DLG1: variants seen among roughly 807,000 people sequenced by gnomAD.
DLG1 encodes disks large homolog 1.
Under a neutral mutation model 123.4 loss-of-function variants are expected in DLG1, and 42 were observed. The ratio of observed to expected loss-of-function variants is 0.34; its 90% CI spans 0.27 to 0.44. The LOEUF is 0.44. Ranked by LOEUF, DLG1 falls within the 20% of genes least tolerant of loss-of-function variation. The pLI is 1.00. For missense variants in DLG1, 942 were observed against 1,082.6 expected, an observed-to-expected ratio of 0.87 and a Z score of 1.82; for synonymous variants, 317 against 356.2, an observed-to-expected ratio of 0.89 and a Z score of 1.24.
chr3:197,115,762 TATA>T (rs1019360684), intron 13 of DLG1, among the ~76,000 whole-genome samples, 162 bp downstream of exon 13: 11 of 152,186 alleles, frequency 7.2e-5, no homozygotes, highest in African/African-American at 2.7e-4. Context: ...ACACCTATTA[TATA>T]ATATGTTCTC....
chr3:197,069,249 A>T lies in DLG1; in HGVS notation c.2017T>A (p.Ser673Thr), dbSNP rs770973751. The stretch of plus-strand genomic sequence containing the variant: ...CTACTTTCACTATCGCTGGCATTAG[A>T]AGTTACATGCTCTGAAATTGCAGGA... ...ETSDADQHVTSNASDSESSYR... is the reference protein window; with the variant it reads ...ETSDADQHVTTNASDSESSYR... The change falls in exon 19 of 25, where the codon TCT (serine) becomes ACT (threonine). Residue 673 changes from serine (S) to threonine (T), a missense_variant. Physicochemically the swap from Ser to Thr is moderately conservative, Grantham distance 58. Coordinates refer to ENST00000667157, the MANE Select transcript of DLG1 (RefSeq NM_001366207.1). 1 of 1,590,142 alleles carries T rather than the reference A, an allele frequency of 6.3e-7. No individual in the cohort carries two copies. The highest frequency in any genetic ancestry group is 1.7e-5 in the Admixed American group (1 of 57,226).
Position 197,209,318 on chromosome 3 carries a change from A to C in DLG1, c.319-14729T>G, listed in dbSNP as rs1018540118. ...AGAAAAAGAGATTTCAAAATGCTAA[A>C]AATTTAATTCACCAGGAAGTTATAA... On this transcript the variant is annotated intron_variant, in intron 4 of 24. Transcript: ENST00000667157. Among the ~76,000 whole-genome samples, 2 of 146,866 alleles carry C rather than the reference A, an allele frequency of 1.4e-5. 1 individual carries two copies. The highest frequency in any genetic ancestry group is 3.1e-5 in the Non-Finnish European group (2 of 65,306).
chr3:197,251,894 T>C (rs1036303130), intron 4 of DLG1, among the ~76,000 whole-genome samples: 4 of 152,234 alleles, frequency 2.6e-5, no homozygotes, highest in Non-Finnish European at 1.5e-5. Flanking sequence ...CATTTCTCAA[T>C]AGACCTGTCG....
At chr3:197,277,932 G>A (rs1326546338) in intron 4 of DLG1, among the ~76,000 whole-genome samples, 1 of 151,840 alleles carries the variant, frequency 6.6e-6, no homozygotes, top group Non-Finnish European at 1.5e-5. Context: ...CCACCACCAG[G>A]AGTCTGAGAC....
intron 9 of DLG1, 145 bp downstream of exon 9, chr3:197,138,077 G>A: frequency 2.3e-6 from 1 of 437,094 alleles, no homozygotes; most frequent in Non-Finnish European, 3.9e-6. Flanking sequence ...AAAATCAGTA[G>A]AAATAACGGA....
At chr3:197,224,988 G>A (rs774189665) in intron 4 of DLG1, among the ~76,000 whole-genome samples, 30 of 152,158 alleles carry the variant, frequency 2.0e-4, no homozygotes, top group Non-Finnish European at 3.7e-4. Flanking sequence ...ATGGAGTCTC[G>A]CTCTGTGGCC....
intron 5 of DLG1, among the ~76,000 whole-genome samples, chr3:197,166,386 C>T (rs1226589767): frequency 6.6e-6 from 1 of 152,012 alleles, no homozygotes; most frequent in African/African-American, 2.4e-5. Flanking sequence ...AGCATGAGAC[C>T]TATGGTGTTA....
At chr3:197,267,109 A>G (rs1233206686) in intron 4 of DLG1, among the ~76,000 whole-genome samples, 1 of 152,242 alleles carries the variant, frequency 6.6e-6, no homozygotes, top group Non-Finnish European at 1.5e-5. Flanking sequence ...AAGAGACTTC[A>G]GCTATACTTA....
At chr3:197,205,120 C>A in intron 4 of DLG1, among the ~76,000 whole-genome samples, 1 of 152,046 alleles carries the variant, frequency 6.6e-6, no homozygotes, top group East Asian at 1.9e-4. Flanking sequence ...AAATGGTATA[C>A]CTTACCAATA....
intron 14 of DLG1, among the ~76,000 whole-genome samples, chr3:197,095,308 T>C (rs545586603): frequency 1.3e-5 from 2 of 152,284 alleles, no homozygotes; most frequent in African/African-American, 4.8e-5. Context: ...CGGATCCCTA[T>C]GAAGAGTCAC....
chr3:197,069,255 C>A lies in DLG1; in HGVS notation c.2011G>T (p.Val671Leu). 6.3e-6 allele frequency: 10 copies of A among 1,586,372 alleles called. No individual in the cohort carries two copies. Among genetic ancestry groups the A allele is most frequent in the Non-Finnish European group, 8.6e-6 (10 of 1,165,806 alleles). The change falls in exon 19 of 25, where the codon GTA becomes TTA. Residue 671 changes from valine (V) to leucine (L), a missense_variant. By Grantham distance (32) the Val-to-Leu change is conservative (BLOSUM62 1). Transcript: ENST00000667157. Reference sequence around the variant, plus strand: ...TCACTATCGCTGGCATTAGAAGTTACATGCTCTGAAATTGCAGGACAATGA... The same window carrying A: ...TCACTATCGCTGGCATTAGAAGTTAAATGCTCTGAAATTGCAGGACAATGA... ...EQETSDADQH[V>L]TSNASDSESS...
At chr3:197,049,061 G>GT (rs1365635831) in intron 24 of DLG1, among the ~76,000 whole-genome samples, 1 of 152,158 alleles carries the variant, frequency 6.6e-6, no homozygotes, top group African/African-American at 2.4e-5. Flanking sequence ...GCTCACACCT[G>GT]TAATTCCAGC....
intron 22 of DLG1, among the ~76,000 whole-genome samples, chr3:197,062,802 G>A (rs1003861733): frequency 6.6e-6 from 1 of 152,054 alleles, no homozygotes; most frequent in Non-Finnish European, 1.5e-5. Flanking sequence ...ATAAACATAC[G>A]TGTGTGTATA....
At chr3:197,144,967 C>T (rs1414683077) in intron 6 of DLG1, among the ~76,000 whole-genome samples, 1 of 152,058 alleles carries the variant, frequency 6.6e-6, no homozygotes, top group African/African-American at 2.4e-5. Flanking sequence ...CAGGCACATG[C>T]CACCATGCCT....
chr3:197,214,684 G>A (rs1196454831), intron 4 of DLG1, among the ~76,000 whole-genome samples: 1 of 152,126 alleles, frequency 6.6e-6, no homozygotes, highest in African/African-American at 2.4e-5. Context: ...AGTTTGGGGG[G>A]AGGGGTAGGA....
At chr3:197,165,224 C>G (rs777474211) in intron 5 of DLG1, among the ~76,000 whole-genome samples, 2 of 152,080 alleles carry the variant, frequency 1.3e-5, no homozygotes, top group Non-Finnish European at 2.9e-5. Flanking sequence ...GATGGGAGAT[C>G]CATTGTGAAT....
intron 4 of DLG1, among the ~76,000 whole-genome samples, chr3:197,253,824 T>C (rs1308028457): frequency 2.0e-5 from 3 of 152,056 alleles, no homozygotes; most frequent in Admixed American, 1.3e-4. Flanking sequence ...GAGTTACTAC[T>C]AGAGGAAACT....
At chr3:197,188,356 T>C (rs559949020) in intron 5 of DLG1, among the ~76,000 whole-genome samples, 3 of 152,274 alleles carry the variant, frequency 2.0e-5, no homozygotes, top group South Asian at 2.1e-4. Flanking sequence ...TTTCTCCCTC[T>C]TTCATGTCAC....
At position 197,142,700 on chromosome 3, in the gene DLG1, T is replaced by A; in HGVS notation, c.588+18A>T. The A allele has an allele frequency of 6.3e-7, 1 of 1,577,114 alleles. No homozygotes were observed. The stretch of plus-strand genomic sequence containing the variant: ...TACAAAGTTCTCTAGAACAACAGAT[T>A]AAGATAATAGTTTTTACCCTTTCAA... On this transcript the variant is annotated intron_variant, in intron 7 of 24. Coordinates refer to ENST00000667157, the MANE Select transcript of DLG1 (RefSeq NM_001366207.1).
Sources: allele counts gnomAD v4.1 joint callset (sites outside exome capture counted in the v4.1 genomes callset), GRCh38; gene constraint gnomAD v4.1.1; transcripts MANE v1.5; gene names NCBI Gene and HGNC (gene_info 2026-07-23, HGNC 2026-07-21).